Variants in MGAM observed in about 807,000 individuals in gnomAD.
MGAM encodes the protein alpha-1,4-glucosidase.
Under a neutral mutation model 358.8 loss-of-function variants are expected in MGAM, and 253 were observed. The observed-to-expected ratio is 0.71, with a 90% CI of 0.64 to 0.78. The LOEUF (loss-of-function observed/expected upper bound fraction) is 0.78, where lower values mean the gene tolerates loss of function less well. MGAM is among the 30% of genes least tolerant of loss of function. The pLI, the probability that MGAM is intolerant of heterozygous loss-of-function variation, is 0.00. For synonymous variants in MGAM, 1,105 were observed against 1,227.1 expected (o/e 0.90, Z 2.08); for missense variants, 3,080 against 3,432.6 (o/e 0.90, Z 2.57).
rs1185619073 is a variant in MGAM at position 142,068,535 on chromosome 7, A to G, written c.5005-112A>G. 11 of 851,168 alleles carry G rather than the reference A, an allele frequency of 1.3e-5. 1 individual carries two copies. The highest frequency in any genetic ancestry group is 7.6e-6 in the Non-Finnish European group (4 of 526,902). The allele number at this position is 851,168 out of a possible 1,614,324, so 52.7% of individuals were successfully genotyped here. ...CCAGTTGTTAACCTCTTGGGACATG[A>G]GGCAGCTGGGTCCAAAGCCATCACA... is the stretch of plus-strand genomic sequence containing the variant. On this transcript the variant is annotated intron_variant, in intron 42 of 70. Transcript: ENST00000475668.
intron 21 of MGAM, among the ~76,000 whole-genome samples, chr7:142,045,490 A>T (rs1434747380): frequency 4.5e-5 from 5 of 111,888 alleles, no homozygotes; most frequent in Non-Finnish European, 6.5e-5. Context: ...TACATACAAT[A>T]TATGATATTA....
chr7:142,036,035 C>T (rs910451879), intron 16 of MGAM, 134 bp from the exon 17 acceptor site: 2 of 641,064 alleles, frequency 3.1e-6, no homozygotes, highest in Admixed American at 2.9e-5. Context: ...CAGGCTATGA[C>T]CAAATTTTGA....
At chr7:142,056,163 G>A (rs1191055293) in intron 29 of MGAM, 67 bp downstream of exon 29, 2 of 1,461,472 alleles carry the variant, frequency 1.4e-6, no homozygotes, top group Admixed American at 2.0e-5. Context: ...TTTACAATGT[G>A]TTTAGCCTAA....
At chr7:142,050,362 A>G in intron 23 of MGAM, 78 bp downstream of exon 23, 1 of 1,465,012 alleles carries the variant, frequency 6.8e-7, no homozygotes, top group Non-Finnish European at 9.5e-7. Context: ...TGTATATTGT[A>G]TATGTGTGAT....
At chr7:141,995,290 G>T (rs1427181662), upstream of MGAM, among the ~76,000 whole-genome samples, 1 of 151,818 alleles carries the variant, frequency 6.6e-6, no homozygotes, top group Non-Finnish European at 1.5e-5. Flanking sequence ...AGCCTGGGAG[G>T]TTAGAAGCAA....
chr7:142,030,399 G>T lies in MGAM; in HGVS notation c.1259G>T (p.Arg420Ile). ...GCTGATATTGATTATATGGATGAGA[G>T]AAGGGACTTCACTTATGATTCAGTG... Reference protein sequence around the residue: ...QHADIDYMDERRDFTYDSVDF... With the variant: ...QHADIDYMDEIRDFTYDSVDF... The change falls in exon 11 of 71, where the codon AGA becomes ATA. Residue 420 changes from arginine (R) to isoleucine (I), a missense_variant. Arg to Ile is a moderately conservative substitution (Grantham distance 97). This residue lies in a region of MGAM where 1,816 missense variants were observed against 1,840.5 expected (regional missense o/e 0.99). Transcript: ENST00000475668. 1 of 1,613,454 alleles carries T rather than the reference G, an allele frequency of 6.2e-7. No individual in the cohort carries two copies. The highest frequency in any genetic ancestry group is 8.5e-7 in the Non-Finnish European group (1 of 1,179,652).
chr7:141,990,668 GTTTTTTTATTTTTTATT>G (rs1173110031), intron 2 of MGAM, among the ~76,000 whole-genome samples: 3 of 151,554 alleles, frequency 2.0e-5, no homozygotes, highest in Non-Finnish European at 4.4e-5. Flanking sequence ...TTTTTTTTAT[GTTTTTTTATTTTTTATT>G]TTTTTATTAT....
intron 3 of MGAM, among the ~76,000 whole-genome samples, chr7:142,015,206 G>A (rs151309428): frequency 1.2e-3 from 182 of 152,066 alleles, no homozygotes; most frequent in African/African-American, 4.3e-3. Flanking sequence ...TGTCTTGCCC[G>A]ATTTTATATT....
chr7:142,057,042 A>G, intron 30 of MGAM, 100 bp downstream of exon 30: 1 of 1,070,370 alleles, frequency 9.3e-7, no homozygotes, highest in South Asian at 1.7e-5. Context: ...AACTGGAAAT[A>G]TTGGTCTTTC....
Position 142,065,197 on chromosome 7 carries a change from T to C in MGAM, c.4485-138T>C, listed in dbSNP as rs544254339. ...CATCATCTGGGATCAGTGGAACTCC[T>C]ATTACAGCTCAGAGTCCCATGTTCC... On this transcript the variant is annotated intron_variant, in intron 37 of 70. Transcript: ENST00000475668. 185 of 1,208,044 alleles carry C rather than the reference T, an allele frequency of 1.5e-4. 1 individual carries two copies. In the African/African-American group the frequency reaches 2.6e-3, roughly 17 times the overall value. 74.8% of individuals were successfully genotyped at this position (1,208,044 alleles called of 1,614,324 possible). A position where few individuals can be genotyped will look rare whatever the true frequency, so the allele number is the denominator to read the frequency against.
chr7:142,070,995 G>A lies in MGAM; in HGVS notation c.5063G>A (p.Gly1688Asp), dbSNP rs1357313205. 1.3e-6 allele frequency: 2 copies of A among 1,556,160 alleles called. No homozygotes were observed. Among genetic ancestry groups the A allele is most frequent in the Admixed American group, 3.4e-5 (2 of 58,456 alleles). The change falls in exon 44 of 71, where the codon GGT (glycine) becomes GAT (aspartate). Residue 1688 changes from glycine to aspartate, a missense_variant and splice_region_variant. Transcript: ENST00000475668. ...TCTTTTACCTTCTTCTGCCCCCAGGGTGTGGATATTAATGCAAGAGGAGAG... is the reference window on the plus strand; with the variant it reads ...TCTTTTACCTTCTTCTGCCCCCAGGATGTGGATATTAATGCAAGAGGAGAG... ...PRARWYDYYTGVDINARGEWK... is the reference protein window; with the variant it reads ...PRARWYDYYTDVDINARGEWK...
At chr7:142,060,548 T>G (rs10273420) in intron 34 of MGAM, among the ~76,000 whole-genome samples, 175 bp downstream of exon 34, 17,096 of 151,134 alleles carry the variant, frequency 0.11, 777 homozygotes, top group East Asian at 0.42. Flanking sequence ...AGTCATACTT[T>G]ACTGGCCACT....
intron 1 of MGAM, among the ~76,000 whole-genome samples, chr7:142,000,234 A>G (rs1420492704): frequency 6.6e-6 from 1 of 152,134 alleles, no homozygotes; most frequent in African/African-American, 2.4e-5. Flanking sequence ...AATCCAGCCA[A>G]TATGTCAGCC....
intron 4 of MGAM, 124 bp downstream of exon 4, chr7:142,019,443 G>A (rs1806243004): frequency 1.9e-6 from 2 of 1,060,182 alleles, no homozygotes; most frequent in Middle Eastern, 2.6e-4. Flanking sequence ...ACAGAAGGTG[G>A]GCATTGCTCT....
intron 21 of MGAM, among the ~76,000 whole-genome samples, chr7:142,041,903 TATTATATATATACGTATAATATATA>T (rs1808645173): frequency 2.3e-5 from 1 of 42,760 alleles, no homozygotes; most frequent in Non-Finnish European, 3.7e-5. Flanking sequence ...ATAATATATA[TATTATATATATACGTATAATATATA>T]ATATATATAT....
Position 142,078,868 on chromosome 7 carries a change from G to A in MGAM, c.5707G>A (p.Asp1903Asn), listed in dbSNP as rs754883698. The A allele has an allele frequency of 3.9e-6, 6 of 1,555,498 alleles. 1 individual carries two copies. The East Asian group carries it at 1.1e-4, about 29-fold the overall frequency. The change falls in exon 49 of 71, where the codon GAT becomes AAT. Residue 1903 changes from aspartate to asparagine, a missense_variant. Physicochemically the swap from Asp to Asn is conservative, Grantham distance 23 (BLOSUM62 1). This residue lies in a region of MGAM where 932 missense variants were observed against 1,198.2 expected (regional missense o/e 0.78). Transcript: ENST00000475668. ...TGTCAACGACCTATACTCTGTCAGT[G>A]ATGTTCAGTATAACTCCCATGGGGC... ...YFVNDLYSVS[D>N]VQYNSHGATA...
intron 67 of MGAM, 101 bp downstream of exon 67, chr7:142,099,838 A>G: frequency 6.7e-7 from 1 of 1,483,562 alleles, no homozygotes; most frequent in Non-Finnish European, 9.1e-7. Context: ...CCCACATGCA[A>G]TTCTACTCAA....
rs782148818 is a variant in MGAM, at chr7:142,034,800, A to G, written c.1918A>G (p.Ile640Val). The change falls in exon 16 of 71, where the codon ATC becomes GTC. Residue 640 changes from isoleucine to valine, a missense_variant. By Grantham distance (29) the Ile-to-Val change is conservative. Transcript: ENST00000475668. ...CACCTGGGATGACCTGAGATGGTCC[A>G]TCCCTGGCGTGCTTGAGTTCAACCT... is the stretch of plus-strand genomic sequence containing the variant. ...TATWDDLRWSIPGVLEFNLFG... is the reference protein window; with the variant it reads ...TATWDDLRWSVPGVLEFNLFG... 1 of 1,613,442 alleles carries G rather than the reference A, an allele frequency of 6.2e-7. No homozygotes were observed. Among genetic ancestry groups the G allele is most frequent in the East Asian group, 2.2e-5 (1 of 44,842 alleles).
chr7:142,009,154 A>C (rs1448966742), intron 3 of MGAM, among the ~76,000 whole-genome samples: 1 of 152,128 alleles, frequency 6.6e-6, no homozygotes, highest in Non-Finnish European at 1.5e-5. Flanking sequence ...CTGCAGTAAA[A>C]ATTCACAAAA....
Sources: allele counts gnomAD v4.1 joint callset (sites outside exome capture counted in the v4.1 genomes callset), GRCh38; gene constraint gnomAD v4.1.1; regional missense constraint gnomAD v4.1.1; transcripts MANE v1.5; gene names NCBI Gene and HGNC (gene_info 2026-07-23, HGNC 2026-07-21).